Variants in SOX5 observed in about 807,000 individuals in gnomAD.
SOX5 encodes transcription factor SOX-5.
Under a neutral mutation model 92.0 loss-of-function variants are expected in SOX5, and 9 were observed. The observed-to-expected ratio is 0.10, with a 90% CI of 0.06 to 0.17. The LOEUF is 0.17. Among genes scored for constraint, SOX5 ranks in the 10% least tolerant of loss-of-function variants. SOX5 has a pLI of 1.00. For missense variants in SOX5, 642 were observed against 944.5 expected (o/e 0.68, Z 4.20); for synonymous variants, 344 against 336.3 (o/e 1.02, Z -0.25).
intron 4 of SOX5, among the ~76,000 whole-genome samples, chr12:23,964,304 C>T (rs1240912699): frequency 6.6e-6 from 1 of 152,038 alleles, no homozygotes; most frequent in Non-Finnish European, 1.5e-5. Flanking sequence ...TTCACTATCC[C>T]TATATACTAT....
At chr12:23,949,772 C>CTCTG (rs1945274569), upstream of SOX5, 3 of 446,366 alleles carry the variant, frequency 6.7e-6, no homozygotes, top group South Asian at 5.1e-5. Context: ...CTCTGTCTCT[C>CTCTG]TCTCTCTCTC....
chr12:23,964,173 T>C (rs1947284668), intron 4 of SOX5, among the ~76,000 whole-genome samples: 1 of 152,138 alleles, frequency 6.6e-6, no homozygotes, highest in African/African-American at 2.4e-5. Flanking sequence ...AGATATATTA[T>C]GGGAGATAAA....
chr12:23,556,182 C>A (rs1195864180), intron 11 of SOX5, among the ~76,000 whole-genome samples: 1 of 152,044 alleles, frequency 6.6e-6, no homozygotes, highest in Non-Finnish European at 1.5e-5. Context: ...AATGAAAAAA[C>A]AAAAGAAAAG....
intron 3 of SOX5, among the ~76,000 whole-genome samples, chr12:23,794,672 T>A (rs2095532883): frequency 1.3e-5 from 2 of 152,192 alleles, no homozygotes; most frequent in South Asian, 4.1e-4. Flanking sequence ...AAAAACTATT[T>A]CTGTAAAAAT....
upstream of SOX5, chr12:23,950,834 C>G: frequency 6.5e-7 from 1 of 1,531,542 alleles, no homozygotes; most frequent in Non-Finnish European, 8.7e-7. Context: ...CACGAAATGA[C>G]AGAGGCACAT....
chr12:24,320,715 A>T (rs1319030758), intron 2 of SOX5, among the ~76,000 whole-genome samples: 1 of 151,974 alleles, frequency 6.6e-6, no homozygotes, highest in Non-Finnish European at 1.5e-5. Context: ...AATACAAAAA[A>T]TTAGCAGGGC....
intron 4 of SOX5, among the ~76,000 whole-genome samples, chr12:24,114,573 C>CAAAAAAAAAAAAAAAAAAAAAAAAAAAA (rs55913110): frequency 1.5e-4 from 6 of 40,596 alleles, no homozygotes; most frequent in African/African-American, 1.9e-4. Context: ...CACCCCGTCA[C>CAAAAAAAAAAAAAAAAAAAAAAAAAAAA]AAAAAAAAAA....
intron 4 of SOX5, among the ~76,000 whole-genome samples, chr12:24,209,108 T>C (rs1311719795): frequency 6.6e-6 from 1 of 152,184 alleles, no homozygotes; most frequent in Non-Finnish European, 1.5e-5. Context: ...GATGAGAAAT[T>C]TGAGCATTTA....
chr12:24,233,082 C>G (rs1963739868), intron 3 of SOX5, among the ~76,000 whole-genome samples: 1 of 152,120 alleles, frequency 6.6e-6, no homozygotes, highest in South Asian at 2.1e-4. Flanking sequence ...AGAAACTGTT[C>G]TCAGAGCATA....
At chr12:24,064,818 A>G (rs1210127408) in intron 4 of SOX5, among the ~76,000 whole-genome samples, 1 of 152,176 alleles carries the variant, frequency 6.6e-6, no homozygotes, top group South Asian at 2.1e-4. Flanking sequence ...TGTCAGTTCA[A>G]AATCTTCCTG....
intron 2 of SOX5, among the ~76,000 whole-genome samples, chr12:23,884,378 A>G (rs568800057): frequency 6.6e-6 from 1 of 152,318 alleles, no homozygotes; most frequent in East Asian, 1.9e-4. Flanking sequence ...AAATTAATAT[A>G]TTAATACTAA....
intron 2 of SOX5, among the ~76,000 whole-genome samples, chr12:23,880,529 G>C (rs139086959): frequency 6.6e-6 from 1 of 152,290 alleles, no homozygotes; most frequent in East Asian, 1.9e-4. Context: ...ATCCTGAAGA[G>C]GGGTGAGAAA....
intron 1 of SOX5, among the ~76,000 whole-genome samples, chr12:24,520,855 C>CA (rs1016950103): frequency 6.6e-5 from 10 of 151,922 alleles, no homozygotes; most frequent in Admixed American, 5.9e-4. Context: ...CTTTATCAGA[C>CA]AAAAAAGATT....
At chr12:23,928,421 G>T (rs1940569166) in intron 1 of SOX5, among the ~76,000 whole-genome samples, 1 of 151,942 alleles carries the variant, frequency 6.6e-6, no homozygotes, top group Admixed American at 6.6e-5. Flanking sequence ...TAAAGCCCAA[G>T]AAACTGACAT....
chr12:23,710,049 C>T (rs900408667), intron 6 of SOX5, among the ~76,000 whole-genome samples: 41 of 151,958 alleles, frequency 2.7e-4, no homozygotes, highest in East Asian at 5.8e-4. Context: ...GCTATTCCAA[C>T]GGAAAAAGTC....
chr12:24,205,396 C>G (rs541833544), intron 4 of SOX5, among the ~76,000 whole-genome samples: 37 of 152,312 alleles, frequency 2.4e-4, no homozygotes, highest in African/African-American at 8.4e-4. Flanking sequence ...CATGTATCAT[C>G]TCATTACATC....
chr12:24,481,028 G>A (rs1476007363), intron 1 of SOX5, among the ~76,000 whole-genome samples: 1 of 151,934 alleles, frequency 6.6e-6, no homozygotes, highest in African/African-American at 2.4e-5. Flanking sequence ...ACAGATAAAT[G>A]AACAAAGAAC....
At chr12:24,396,835 A>C (rs1960144675) in intron 1 of SOX5, among the ~76,000 whole-genome samples, 1 of 152,278 alleles carries the variant, frequency 6.6e-6, no homozygotes, top group South Asian at 2.1e-4. Flanking sequence ...GACTGCAAAA[A>C]TGCAAAATGT....
At chr12:24,523,008 T>TA (rs974253164) in intron 1 of SOX5, among the ~76,000 whole-genome samples, 9 of 152,024 alleles carry the variant, frequency 5.9e-5, no homozygotes, top group Admixed American at 3.3e-4. Flanking sequence ...ATCTTATGTG[T>TA]AAAAAAACCC....
Sources: allele counts gnomAD v4.1 joint callset (sites outside exome capture counted in the v4.1 genomes callset), GRCh38; gene constraint gnomAD v4.1.1; transcripts MANE v1.5; gene names NCBI Gene and HGNC (gene_info 2026-07-23, HGNC 2026-07-21).